STIL: variants seen among roughly 807,000 people sequenced by gnomAD.
STIL encodes the protein STIL centriolar assembly protein.
Under a neutral mutation model 110.1 loss-of-function variants are expected in STIL, and 55 were observed. The ratio of observed to expected loss-of-function variants is 0.50; its 90% CI spans 0.40 to 0.63. STIL has a LOEUF of 0.63. Ranked by LOEUF, STIL falls within the 20% of genes least tolerant of loss-of-function variation. The pLI is 0.00. For synonymous variants in STIL, 481 were observed against 530.0 expected (o/e 0.91, Z 1.27); for missense variants, 1,358 against 1,530.0 (o/e 0.89, Z 1.87).
In STIL at chr1:47,251,761, A is replaced by C; in HGVS notation, c.3242T>G (p.Leu1081Arg). ...ATTTTGGTTCGATCGAGTGACAGAC[A>C]GTTGTGACAGCTGATTTTCATTTAA... ...KYLNENQLSQ[L>R]SVTRSNQNNC... is the part of the protein sequence containing the mutation. Residue 1081 changes from leucine to arginine, a missense_variant, in exon 17 of 17, where the codon CTG becomes CGG. Coordinates refer to ENST00000371877, the MANE Select transcript of STIL (RefSeq NM_001048166.1). 6.2e-7 allele frequency: 1 copy of C among 1,613,758 alleles called. No homozygotes were observed. The highest frequency in any genetic ancestry group is 2.2e-5 in the East Asian group (1 of 44,882).
chr1:47,255,097 C>A (rs911669971), intron 16 of STIL, among the ~76,000 whole-genome samples: 2 of 151,772 alleles, frequency 1.3e-5, no homozygotes, highest in Non-Finnish European at 2.9e-5. Flanking sequence ...TTCAAGGGGC[C>A]ACCCTAGGCA....
intron 1 of STIL, among the ~76,000 whole-genome samples, chr1:47,313,433 C>T (rs182598507): frequency 7.2e-5 from 11 of 152,058 alleles, no homozygotes; most frequent in African/African-American, 2.7e-4. Flanking sequence ...AACCTTAACC[C>T]CCCCATCCAC....
Position 47,310,267 on chromosome 1 carries a change from C to T in STIL, c.44+9G>A. The stretch of plus-strand genomic sequence containing the variant: ...TGTAAGACAAATATTTGTAAATATA[C>T]TTCTATACCTGGTATTCATCTGGGG... On this transcript the variant is annotated intron_variant, in intron 2 of 16. Coordinates refer to ENST00000371877, the MANE Select transcript of STIL (RefSeq NM_001048166.1). 6.2e-7 allele frequency: 1 copy of T among 1,611,324 alleles called. No homozygotes were observed. The highest frequency in any genetic ancestry group is 8.5e-7 in the Non-Finnish European group (1 of 1,178,290).
chr1:47,280,851 T>C lies in STIL; in HGVS notation c.1607A>G (p.Glu536Gly), dbSNP rs1645138242. The C allele has an allele frequency of 6.8e-6, 11 of 1,614,236 alleles. No individual in the cohort carries two copies. Among genetic ancestry groups the C allele is most frequent in the Non-Finnish European group, 8.5e-6 (10 of 1,180,046 alleles). The change falls in exon 12 of 17, where the codon GAA becomes GGA. Residue 536 changes from glutamate (E) to glycine (G), a missense_variant. By Grantham distance (98) the Glu-to-Gly change is moderately conservative. Transcript: ENST00000371877. ...SHNGPSHDIF[E>G]KLQTVSAGNV... ...TCCAGCAGAAACTGTTTGGAGCTTTTCAAATATATCATGAGATGGCCCATT... is the reference window on the plus strand; with the variant it reads ...TCCAGCAGAAACTGTTTGGAGCTTTCCAAATATATCATGAGATGGCCCATT...
In STIL at chr1:47,263,119, G is replaced by A. The variant is rs2148757647; in HGVS notation, c.2616-3C>T. 2 of 1,613,194 alleles carry A rather than the reference G, an allele frequency of 1.2e-6. No individual in the cohort carries two copies. The highest frequency in any genetic ancestry group is 1.7e-6 in the Non-Finnish European group (2 of 1,179,326). On this transcript the variant is annotated splice_polypyrimidine_tract_variant and splice_region_variant and intron_variant, in intron 14 of 16. Transcript: ENST00000371877. The stretch of plus-strand genomic sequence containing the variant: ...TTCTCACAACTAGAGAAGAGCTGCT[G>A]GGAAGGATATATAATGTGTTAGTCA...
Position 47,251,635 on chromosome 1 carries a change from T to C in STIL, c.3368A>G (p.Tyr1123Cys). 6.2e-7 allele frequency: 1 copy of C among 1,614,234 alleles called. No homozygotes were observed. Among genetic ancestry groups the C allele is most frequent in the Non-Finnish European group, 8.5e-7 (1 of 1,180,046 alleles). Residue 1123 changes from tyrosine to cysteine, a missense_variant, in exon 17 of 17, where the codon TAT becomes TGT. Coordinates refer to ENST00000371877, the MANE Select transcript of STIL (RefSeq NM_001048166.1). The stretch of plus-strand genomic sequence containing the variant: ...TTGTAGGAGTCCATATCTCTTCATA[T>C]ATTTTTTGGTTGCAAATGACATGTT... ...PNNMSFATKKYMKRYGLLQSS... is the reference protein window; with the variant it reads ...PNNMSFATKKCMKRYGLLQSS...
chr1:47,274,806 A>G (rs1644940404), intron 12 of STIL, among the ~76,000 whole-genome samples: 1 of 139,558 alleles, frequency 7.2e-6, no homozygotes, highest in South Asian at 2.2e-4. Flanking sequence ...TGTGGAGCAG[A>G]CTATAGTTCA....
chr1:47,281,683 T>C (rs953821074), intron 11 of STIL, among the ~76,000 whole-genome samples: 2 of 152,176 alleles, frequency 1.3e-5, no homozygotes, highest in Non-Finnish European at 2.9e-5. Context: ...CTCACTGTTA[T>C]TCCTTCTATT....
chr1:47,291,725 C>A (rs929168298), intron 8 of STIL, among the ~76,000 whole-genome samples: 7 of 152,060 alleles, frequency 4.6e-5, no homozygotes, highest in Non-Finnish European at 8.8e-5. Flanking sequence ...TCTACCACAC[C>A]GGGCTAATTT....
At chr1:47,271,554 G>A (rs1477798855) in intron 13 of STIL, among the ~76,000 whole-genome samples, 2 of 112,852 alleles carry the variant, frequency 1.8e-5, no homozygotes, top group African/African-American at 3.1e-5. Flanking sequence ...GTGAGACTCC[G>A]TCTCAAAAAA....
chr1:47,277,778 TTATC>T (rs1645034813), intron 12 of STIL, among the ~76,000 whole-genome samples: 1 of 152,134 alleles, frequency 6.6e-6, no homozygotes, highest in African/African-American at 2.4e-5. Context: ...TTCTACACCT[TTATC>T]TAGTAACTCA....
Position 47,260,412 on chromosome 1 carries a change from T to C in STIL, c.2957A>G (p.His986Arg), listed in dbSNP as rs199422205. The C allele has an allele frequency of 3.1e-6, 5 of 1,614,200 alleles. No individual in the cohort carries two copies. Among genetic ancestry groups the C allele is most frequent in the South Asian group, 1.1e-5 (1 of 91,086 alleles). Residue 986 changes from histidine to arginine, a missense_variant, in exon 16 of 17, where the codon CAT becomes CGT. By Grantham distance (29) the His-to-Arg change is conservative. Coordinates refer to ENST00000371877, the MANE Select transcript of STIL (RefSeq NM_001048166.1). ...ACAATCTTTGTCCACCAGTCTTGAA[T>C]GATGTGTTTTTTTCTTTGTATGGTA... The part of the protein sequence containing the change: ...NVYHTKKKTH[H>R]SRLVDKDCVL...
At chr1:47,271,928 A>G in intron 13 of STIL, 148 bp downstream of exon 13, 1 of 769,636 alleles carries the variant, frequency 1.3e-6, no homozygotes, top group East Asian at 2.7e-5. Flanking sequence ...CACAAAGACT[A>G]AAATCACACA....
intron 2 of STIL, among the ~76,000 whole-genome samples, chr1:47,308,226 G>A (rs1392521145): frequency 6.6e-6 from 1 of 151,588 alleles, no homozygotes; most frequent in African/African-American, 2.4e-5. Flanking sequence ...TTTGTGGCTT[G>A]TGGGGCATCA....
At chr1:47,295,130 C>T (rs1283871623) in intron 7 of STIL, among the ~76,000 whole-genome samples, 3 of 151,626 alleles carry the variant, frequency 2.0e-5, no homozygotes, top group East Asian at 1.9e-4. Context: ...ACCATGTTAT[C>T]CAGGCTGGCC....
At chr1:47,289,724 T>G in intron 8 of STIL, 139 bp from the exon 9 acceptor site, 2 of 763,990 alleles carry the variant, frequency 2.6e-6, no homozygotes. Context: ...GGTCCACCAC[T>G]TAGGAAGGCA....
chr1:47,307,640 G>A (rs1646000338), intron 2 of STIL, among the ~76,000 whole-genome samples: 1 of 152,136 alleles, frequency 6.6e-6, no homozygotes, highest in Admixed American at 6.5e-5. Flanking sequence ...GTGTGTTTGA[G>A]CAATATGAAA....
Position 47,300,059 on chromosome 1 carries a change from T to C in STIL, c.547A>G (p.Ser183Gly), listed in dbSNP as rs2149182204. 1 of 1,614,154 alleles carries C rather than the reference T, an allele frequency of 6.2e-7. No homozygotes were observed. The highest frequency in any genetic ancestry group is 8.5e-7 in the Non-Finnish European group (1 of 1,180,016). Residue 183 changes from serine to glycine, a missense_variant, in exon 6 of 17, where the codon AGT (serine) becomes GGT (glycine). By Grantham distance (56) the Ser-to-Gly change is moderately conservative (BLOSUM62 0). Transcript: ENST00000371877. ...GCCCAATGCAAGTCAAATTCCACACTGTCCAAACTCTCCCTGGAAGTGATA... is the reference window on the plus strand; with the variant it reads ...GCCCAATGCAAGTCAAATTCCACACCGTCCAAACTCTCCCTGGAAGTGATA... Reference protein sequence around the residue: ...VHITSRESLDSVEFDLHWAAV... With the variant: ...VHITSRESLDGVEFDLHWAAV...
chr1:47,270,253 T>C (rs59097903), intron 13 of STIL, among the ~76,000 whole-genome samples: 51,957 of 116,446 alleles, frequency 0.45, 11,463 homozygotes, highest in Middle Eastern at 0.51. Context: ...TATATATATA[T>C]ATACACACAC....
Sources: gnomAD v4.1 joint callset for allele counts (sites outside exome capture counted in the v4.1 genomes callset) on GRCh38, gnomAD v4.1.1 for gene constraint, MANE v1.5 for transcripts, NCBI Gene and HGNC (gene_info 2026-07-23, HGNC 2026-07-21) for gene names.